Variants in XXYLT1 observed in about 807,000 individuals in gnomAD.
XXYLT1 encodes the protein UDP-xylose:alpha-xyloside alpha-1,3-xylosyltransferase.
A neutral mutation model predicts 28.9 loss-of-function variants in XXYLT1; 20 were observed. That is an observed-to-expected ratio of 0.69 (90% CI 0.49 to 1.00). The LOEUF (loss-of-function observed/expected upper bound fraction) is 1.00, where lower values mean the gene tolerates loss of function less well. Ranked by LOEUF, XXYLT1 falls within the 50% of genes least tolerant of loss-of-function variation. The pLI, the probability that XXYLT1 is intolerant of heterozygous loss-of-function variation, is 0.00. For missense variants in XXYLT1, 542 were observed against 560.1 expected (o/e 0.97, Z 0.33); for synonymous variants, 257 against 253.8 (o/e 1.01, Z -0.12).
intron 3 of XXYLT1, among the ~76,000 whole-genome samples, chr3:195,107,738 C>T (rs952965173): frequency 4.6e-5 from 7 of 151,240 alleles, no homozygotes; most frequent in Non-Finnish European, 5.9e-5. Flanking sequence ...GCACTGTGAC[C>T]CCGTCCTCCC....
At chr3:195,136,842 G>A (rs1013841017) in intron 3 of XXYLT1, among the ~76,000 whole-genome samples, 1 of 152,060 alleles carries the variant, frequency 6.6e-6, no homozygotes, top group African/African-American at 2.4e-5. Flanking sequence ...ATAAAAACAA[G>A]CAGAGGTCCA....
At chr3:195,226,439 C>T (rs7624032) in intron 2 of XXYLT1, among the ~76,000 whole-genome samples, 9,419 of 151,990 alleles carry the variant, frequency 0.062, 1,005 homozygotes, top group African/African-American at 0.21. Flanking sequence ...AAGAAGGGGG[C>T]GAGTGCAAGG....
intron 2 of XXYLT1, among the ~76,000 whole-genome samples, chr3:195,191,428 GTTTAC>G (rs1448678638): frequency 1.3e-5 from 2 of 152,008 alleles, no homozygotes; most frequent in African/African-American, 2.4e-5. Context: ...CTTTTCTCCA[GTTTAC>G]TTTATTATAA....
chr3:195,095,190 A>G (rs1032324779), intron 3 of XXYLT1: 2 of 152,434 alleles, frequency 1.3e-5, no homozygotes, highest in African/African-American at 4.8e-5. Context: ...ATCTCATGAG[A>G]CTGCCGTGAG....
intron 1 of XXYLT1, among the ~76,000 whole-genome samples, chr3:195,251,772 G>C (rs894061116): frequency 6.6e-6 from 1 of 152,184 alleles, no homozygotes; most frequent in Non-Finnish European, 1.5e-5. Context: ...TCTCCGCCAA[G>C]TGCTCAAGAG....
intron 3 of XXYLT1, among the ~76,000 whole-genome samples, chr3:195,136,779 G>A (rs1305093982): frequency 2.0e-5 from 3 of 152,172 alleles, no homozygotes; most frequent in African/African-American, 4.8e-5. Context: ...GCCACTGCAT[G>A]TCTGTCAAAG....
At chr3:195,187,115 G>A (rs1197275543) in intron 2 of XXYLT1, among the ~76,000 whole-genome samples, 2 of 151,316 alleles carry the variant, frequency 1.3e-5, no homozygotes, top group African/African-American at 2.4e-5. Context: ...GCGGGCGCCT[G>A]TAGTCCCAGC....
At chr3:195,135,947 A>G (rs1226930805) in intron 3 of XXYLT1, among the ~76,000 whole-genome samples, 1 of 152,154 alleles carries the variant, frequency 6.6e-6, no homozygotes, top group Non-Finnish European at 1.5e-5. Flanking sequence ...AATGACCAAC[A>G]TTCCCTCTAT....
At chr3:195,097,213 A>G (rs1716496161) in intron 3 of XXYLT1, among the ~76,000 whole-genome samples, 1 of 152,256 alleles carries the variant, frequency 6.6e-6, no homozygotes, top group Non-Finnish European at 1.5e-5. Flanking sequence ...AAGCAGGCTC[A>G]GTGCTGAGTT....
intron 2 of XXYLT1, among the ~76,000 whole-genome samples, chr3:195,182,275 A>T (rs1197224184): frequency 6.6e-6 from 1 of 152,190 alleles, no homozygotes; most frequent in Non-Finnish European, 1.5e-5. Context: ...AAGCACTTAG[A>T]ATAGTGACTA....
rs1166485856 is a variant in XXYLT1 at position 195,173,292 on chromosome 3, C to T, written c.653-16711G>A. On this transcript the variant is annotated intron_variant, in intron 2 of 3. Transcript: ENST00000310380. The surrounding 1 kb of genome is among the most constrained non-coding windows in gnomAD (Gnocchi z 4.3). ...AAGACAGAGAGTGTAGCTGCTACTCCTCAAGGAAAGAAAATACCAGGAAGG... is the reference window on the plus strand; with the variant it reads ...AAGACAGAGAGTGTAGCTGCTACTCTTCAAGGAAAGAAAATACCAGGAAGG... 6.6e-6 allele frequency among the ~76,000 whole-genome samples: 1 copy of T among 152,176 alleles called. No homozygotes were observed. The highest frequency in any genetic ancestry group is 2.4e-5 in the African/African-American group (1 of 41,434).
At chr3:195,185,903 C>A (rs1437097718) in intron 2 of XXYLT1, among the ~76,000 whole-genome samples, 1 of 152,176 alleles carries the variant, frequency 6.6e-6, no homozygotes, top group Non-Finnish European at 1.5e-5. Context: ...TTCACTCAGA[C>A]CTTTCTTTTC....
At chr3:195,151,086 A>C (rs1720214530) in intron 3 of XXYLT1, among the ~76,000 whole-genome samples, 1 of 148,898 alleles carries the variant, frequency 6.7e-6, no homozygotes, top group Non-Finnish European at 1.5e-5. Context: ...TCCCTCTCTT[A>C]CCCTGGTTTC....
chr3:195,247,933 G>A, intron 1 of XXYLT1: 1 of 609,954 alleles, frequency 1.6e-6, no homozygotes, highest in Non-Finnish European at 3.0e-6. Flanking sequence ...GAAGAGCAGG[G>A]AGGAAGTCCC....
rs530237869 is a variant in XXYLT1 at position 195,257,494 on chromosome 3, G to C, written c.504+13061C>G. On this transcript the variant is annotated intron_variant, in intron 1 of 3. Coordinates refer to ENST00000310380, the MANE Select transcript of XXYLT1 (RefSeq NM_152531.5). This position sits in a 1 kb window ranked among gnomAD's most constrained non-coding sequence, Gnocchi z 4.3. ...AAGGCGAGTTAATCAGATGAAGATG[G>C]GAGGAATGGGTGATCCGGGGAAGAA... 2.6e-5 allele frequency among the ~76,000 whole-genome samples: 4 copies of C among 152,192 alleles called. No individual in the cohort carries two copies. Among genetic ancestry groups the C allele is most frequent in the Non-Finnish European group, 2.9e-5 (2 of 68,026 alleles).
At chr3:195,152,509 T>G (rs750543042) in intron 3 of XXYLT1, 3 of 152,444 alleles carry the variant, frequency 2.0e-5, no homozygotes, top group Non-Finnish European at 4.4e-5. Context: ...CTGTGTCACT[T>G]TCCAGAACAC....
At chr3:195,196,079 G>A (rs934048129) in intron 2 of XXYLT1, among the ~76,000 whole-genome samples, 19 of 152,264 alleles carry the variant, frequency 1.2e-4, no homozygotes, top group African/African-American at 4.3e-4. Flanking sequence ...GGAGGACAGC[G>A]CCGTCCAGCA....
In XXYLT1 at chr3:195,242,226, G is replaced by A. The variant is rs991375355; in HGVS notation, c.505-15370C>T. Among the ~76,000 whole-genome samples the A allele has an allele frequency of 2.6e-5, 4 of 152,114 alleles. No individual in the cohort carries two copies. In the South Asian group the frequency reaches 6.2e-4, roughly 24 times the overall value. The stretch of plus-strand genomic sequence containing the variant: ...TCCTTCTGACCCCAGCATCTCCCCC[G>A]GGCATGTCATGTGCTTCTCCATCCC... On this transcript the variant is annotated intron_variant, in intron 1 of 3. Transcript: ENST00000310380.
In XXYLT1 at chr3:195,124,146, T is replaced by C. The variant is rs1012851832; in HGVS notation, c.785+32303A>G. Among the ~76,000 whole-genome samples, 3 of 152,248 alleles carry C rather than the reference T, an allele frequency of 2.0e-5. No individual in the cohort carries two copies. Among genetic ancestry groups the C allele is most frequent in the African/African-American group, 7.2e-5 (3 of 41,460 alleles). On this transcript the variant is annotated intron_variant, in intron 3 of 3. Transcript: ENST00000310380. This position sits in a 1 kb window ranked among gnomAD's most constrained non-coding sequence, Gnocchi z 4.1. The stretch of plus-strand genomic sequence containing the variant: ...GACACATTCTGGGATTGGTGTTCCA[T>C]GGAACTCACCTCGAGAAGTGTGGGT...
Sources: allele counts gnomAD v4.1 joint callset (sites outside exome capture counted in the v4.1 genomes callset), GRCh38; gene constraint gnomAD v4.1.1; non-coding constraint Gnocchi (gnomAD v3.1); transcripts MANE v1.5; gene names NCBI Gene and HGNC (gene_info 2026-07-23, HGNC 2026-07-21).